CCDC149: variants seen among roughly 807,000 people sequenced by gnomAD.
CCDC149 encodes coiled-coil domain-containing protein 149.
Under a neutral mutation model 59.9 loss-of-function variants are expected in CCDC149, and 45 were observed. The observed-to-expected ratio is 0.75, with a 90% CI of 0.59 to 0.96. The LOEUF (loss-of-function observed/expected upper bound fraction) is 0.96, where lower values mean the gene tolerates loss of function less well. Ranked by LOEUF, CCDC149 falls within the 40% of genes least tolerant of loss-of-function variation. The pLI is 0.00. For missense variants in CCDC149, 584 were observed against 664.7 expected, an observed-to-expected ratio of 0.88 and a Z score of 1.33; for synonymous variants, 245 against 260.6, an observed-to-expected ratio of 0.94 and a Z score of 0.58.
chr4:24,972,588 C>G (rs569098958), intron 1 of CCDC149, among the ~76,000 whole-genome samples: 1 of 152,078 alleles, frequency 6.6e-6, no homozygotes, highest in African/African-American at 2.4e-5. Context: ...ATTACAGACA[C>G]GAGCCACCAC....
At chr4:24,814,969 A>G (rs901721053) in intron 12 of CCDC149, among the ~76,000 whole-genome samples, 1 of 152,214 alleles carries the variant, frequency 6.6e-6, no homozygotes, top group African/African-American at 2.4e-5. Context: ...CTCCACCTCC[A>G]CAACTTTCAT....
At chr4:24,885,110 G>C (rs1720083776) in intron 1 of CCDC149, among the ~76,000 whole-genome samples, 1 of 152,184 alleles carries the variant, frequency 6.6e-6, no homozygotes, top group African/African-American at 2.4e-5. Flanking sequence ...GGGAGTACAA[G>C]CTGTGCCCAG....
chr4:24,824,626 CTG>C (rs1358813962), intron 9 of CCDC149, among the ~76,000 whole-genome samples: 1 of 152,166 alleles, frequency 6.6e-6, no homozygotes, highest in Non-Finnish European at 1.5e-5. Flanking sequence ...TCTCAAAGTT[CTG>C]TCTTTCCCCA....
At chr4:24,877,690 G>A (rs1719549824) in intron 1 of CCDC149, among the ~76,000 whole-genome samples, 1 of 152,116 alleles carries the variant, frequency 6.6e-6, no homozygotes. Flanking sequence ...AATCTTAGGA[G>A]CTAAGTATTT....
upstream of CCDC149, among the ~76,000 whole-genome samples, chr4:24,913,245 C>T (rs1365501716): frequency 6.6e-6 from 1 of 152,126 alleles, no homozygotes; most frequent in Non-Finnish European, 1.5e-5. Context: ...GCGCGGGAGG[C>T]GGGCCCCACG....
At chr4:24,875,681 C>T (rs1428289418) in intron 2 of CCDC149, among the ~76,000 whole-genome samples, 3 of 151,842 alleles carry the variant, frequency 2.0e-5, no homozygotes, top group Non-Finnish European at 4.4e-5. Flanking sequence ...ATACACTGTC[C>T]AATACAGTAG....
At position 24,837,511 on chromosome 4, in the gene CCDC149, T is replaced by C; in HGVS notation, c.490-111A>G. 2.1e-6 allele frequency: 2 copies of C among 945,388 alleles called. No individual in the cohort carries two copies. Among genetic ancestry groups the C allele is most frequent in the Non-Finnish European group, 3.2e-6 (2 of 621,348 alleles). 58.6% of individuals were successfully genotyped at this position (945,388 alleles called of 1,614,324 possible). On this transcript the variant is annotated intron_variant, in intron 5 of 12. Coordinates refer to ENST00000635206, the MANE Select transcript of CCDC149 (RefSeq NM_001330643.2). This position sits in a 1 kb window ranked among gnomAD's most constrained non-coding sequence, Gnocchi z 4.3. Reference sequence around the variant, plus strand: ...TGATTTTTAGAGAGTTTATTAACACTACCCGCATGCCCTAAAGCCATAAGC... The same window carrying C: ...TGATTTTTAGAGAGTTTATTAACACCACCCGCATGCCCTAAAGCCATAAGC...
rs559315938 is a variant in CCDC149, at chr4:24,947,157, G to A, written c.-65+32912C>T. ...TTTTCATCCTTGCTTTTTGCTTAGTGATATGGTTTGGCTGTGTCCCCACCC... is the reference window on the plus strand; with the variant it reads ...TTTTCATCCTTGCTTTTTGCTTAGTAATATGGTTTGGCTGTGTCCCCACCC... On this transcript the variant is annotated intron_variant, in intron 1 of 12. Transcript: ENST00000389609. Among the ~76,000 whole-genome samples the A allele has an allele frequency of 2.1e-4, 32 of 152,240 alleles. No homozygotes were observed. The South Asian group carries it at 6.2e-3, about 30-fold the overall frequency.
chr4:24,875,324 C>T (rs1361553978), intron 2 of CCDC149, among the ~76,000 whole-genome samples: 1 of 147,434 alleles, frequency 6.8e-6, no homozygotes, highest in African/African-American at 2.5e-5. Context: ...AGCGAGAATC[C>T]GTCTCAAAAA....
chr4:24,894,181 C>A (rs1416329106), intron 1 of CCDC149, among the ~76,000 whole-genome samples: 1 of 152,120 alleles, frequency 6.6e-6, no homozygotes, highest in East Asian at 1.9e-4. Context: ...ATGAATGTTT[C>A]CTTTTTCCTT....
chr4:24,974,544 T>C (rs963939067), intron 1 of CCDC149, among the ~76,000 whole-genome samples: 1 of 152,324 alleles, frequency 6.6e-6, no homozygotes, highest in Admixed American at 6.5e-5. Flanking sequence ...GATTTCATAA[T>C]GTAATTCCCT....
intron 1 of CCDC149, among the ~76,000 whole-genome samples, chr4:24,881,780 T>A (rs1233444621): frequency 6.6e-6 from 1 of 152,248 alleles, no homozygotes; most frequent in Non-Finnish European, 1.5e-5. Flanking sequence ...TTGTAACACA[T>A]GCTTTACCTG....
intron 4 of CCDC149, 79 bp downstream of exon 4, chr4:24,852,993 A>G: frequency 1.1e-6 from 1 of 880,912 alleles, no homozygotes. Context: ...GCTGCATTAC[A>G]TTTTTCCGAT....
chr4:24,951,648 C>T (rs1723295275), intron 1 of CCDC149, among the ~76,000 whole-genome samples: 1 of 152,076 alleles, frequency 6.6e-6, no homozygotes, highest in South Asian at 2.1e-4. Flanking sequence ...ATTTCCCATC[C>T]CAAATGCACC....
intron 10 of CCDC149, among the ~76,000 whole-genome samples, chr4:24,821,569 C>T (rs538221751): frequency 6.0e-4 from 91 of 152,340 alleles, no homozygotes; most frequent in Admixed American, 9.8e-4. Context: ...TTCAAGTTTA[C>T]ATTTCAGAAA....
chr4:24,814,781 A>T (rs1029831638), intron 12 of CCDC149, among the ~76,000 whole-genome samples: 1 of 152,116 alleles, frequency 6.6e-6, no homozygotes, highest in Non-Finnish European at 1.5e-5. Flanking sequence ...TCCACGACTC[A>T]ACATCCATCT....
chr4:24,868,521 C>T (rs60979968), intron 3 of CCDC149, among the ~76,000 whole-genome samples: 1 of 152,090 alleles, frequency 6.6e-6, no homozygotes, highest in Non-Finnish European at 1.5e-5. Flanking sequence ...CATTTAACAA[C>T]CTATATATTT....
chr4:24,857,074 G>GA (rs1718059995), intron 3 of CCDC149, among the ~76,000 whole-genome samples: 1 of 152,064 alleles, frequency 6.6e-6, no homozygotes, highest in Admixed American at 6.5e-5. Context: ...GGGCAACAAT[G>GA]AAAACGTAAA....
chr4:24,854,182 A>G (rs1717857555), intron 3 of CCDC149, among the ~76,000 whole-genome samples: 1 of 152,100 alleles, frequency 6.6e-6, no homozygotes, highest in Admixed American at 6.5e-5. Context: ...TACCTATTCC[A>G]GTCTTTTACT....
Sources: gnomAD v4.1 joint callset for allele counts (sites outside exome capture counted in the v4.1 genomes callset) on GRCh38, gnomAD v4.1.1 for gene constraint, Gnocchi (gnomAD v3.1) non-coding constraint, MANE v1.5 for transcripts, NCBI Gene and HGNC (gene_info 2026-07-23, HGNC 2026-07-21) for gene names.